The following CROCC2 variants were observed in gnomAD, a reference collection of about 807,000 sequenced individuals.
CROCC2 encodes ciliary rootlet coiled-coil protein 2.
In CROCC2, 163 loss-of-function variants were observed where a neutral mutation model predicts 177.6. That is an observed-to-expected ratio of 0.92 (90% confidence interval 0.81 to 1.05). CROCC2 has a LOEUF of 1.05. Among genes scored for constraint, CROCC2 ranks in the 50% least tolerant of loss-of-function variants. CROCC2 has a pLI of 0.00. For synonymous variants in CROCC2, 904 were observed against 787.3 expected (o/e 1.15, Z -2.48); for missense variants, 1,929 against 1,797.8 (o/e 1.07, Z -1.32).
At chr2:240,962,074 TCACACTCA>T (rs1435955856) in intron 20 of CROCC2, among the ~76,000 whole-genome samples, 5 of 108,888 alleles carry the variant, frequency 4.6e-5, no homozygotes, top group East Asian at 3.4e-4. Flanking sequence ...TCACACGCAC[TCACACTCA>T]CACACACACA....
rs931226033 is a variant in CROCC2 at position 240,934,823 on chromosome 2, C to A, written c.1792-93C>A. The A allele has an allele frequency of 4.5e-6, 6 of 1,337,450 alleles. No homozygotes were observed. The African/African-American group carries it at 9.2e-5, about 20-fold the overall frequency. The allele number at this position is 1,337,450 out of a possible 1,614,324, so 82.8% of individuals were successfully genotyped here. On this transcript the variant is annotated intron_variant, in intron 12 of 31. Coordinates refer to ENST00000690015, the MANE Select transcript of CROCC2 (RefSeq NM_001351305.2). Reference sequence around the variant, plus strand: ...CCGCCCAAGAGCTCTGGCTTGCACACCTCCGTGGCTCAGGGCTCACTCCTT... The same window carrying A: ...CCGCCCAAGAGCTCTGGCTTGCACAACTCCGTGGCTCAGGGCTCACTCCTT...
chr2:240,941,173 G>T (rs2059492704), intron 14 of CROCC2, among the ~76,000 whole-genome samples: 1 of 152,162 alleles, frequency 6.6e-6, no homozygotes, highest in African/African-American at 2.4e-5. Context: ...ACTGCTGAAA[G>T]AAATCATAGA....
chr2:240,993,103 G>A lies in CROCC2; in HGVS notation c.*22G>A, dbSNP rs750495886. 53 of 716,070 alleles carry A rather than the reference G, an allele frequency of 7.4e-5. No individual in the cohort carries two copies. Among genetic ancestry groups the A allele is most frequent in the South Asian group, 2.8e-4 (19 of 67,468 alleles). The allele number at this position is 716,070 out of a possible 1,614,324, so 44.4% of individuals were successfully genotyped here. A position where few individuals can be genotyped will look rare whatever the true frequency, so the allele number is the denominator to read the frequency against. ...CTGAAGCTCCCAGCACAGGGGAGGCGCCCAGCGTGGCTGCAGAGGAAGGGA... is the reference window on the plus strand; with the variant it reads ...CTGAAGCTCCCAGCACAGGGGAGGCACCCAGCGTGGCTGCAGAGGAAGGGA... On this transcript the variant is annotated 3_prime_UTR_variant, in exon 32 of 32. Coordinates refer to ENST00000690015, the MANE Select transcript of CROCC2 (RefSeq NM_001351305.2).
In CROCC2 at chr2:240,963,744, C is replaced by A; in HGVS notation, c.3276C>A (p.Thr1092=). The A allele has an allele frequency of 6.5e-7, 1 of 1,550,046 alleles. No individual in the cohort carries two copies. Among genetic ancestry groups the A allele is most frequent in the Admixed American group, 2.0e-5 (1 of 50,996 alleles). ...TTTTCAACAGCGAGCTGCGGGCCAC[C>A]ATCTGCAGGGCCGAACAGGAGAAGG... The part of the protein sequence containing the change: ...LLLFNSELRA[T]ICRAEQEKAS... The change falls in exon 21 of 32, where the codon ACC becomes ACA. Residue 1092 remains threonine (T), a synonymous_variant. Transcript: ENST00000690015.
intron 1 of CROCC2, among the ~76,000 whole-genome samples, chr2:240,914,782 A>T (rs1320531022): frequency 1.3e-5 from 2 of 152,106 alleles, no homozygotes; most frequent in Non-Finnish European, 2.9e-5. Context: ...GGACGGGACG[A>T]CGGGGTGGTG....
Position 240,969,848 on chromosome 2 carries a change from A to G in CROCC2, c.4401+1586A>G, listed in dbSNP as rs563004095. Among the ~76,000 whole-genome samples the G allele has an allele frequency of 3.5e-4, 54 of 152,238 alleles. No homozygotes were observed. In the East Asian group the frequency reaches 0.01, roughly 29 times the overall value. On this transcript the variant is annotated intron_variant, in intron 27 of 31. Coordinates refer to ENST00000690015, the MANE Select transcript of CROCC2 (RefSeq NM_001351305.2). ...CAGGTTCAAGTGATTCTCCTGCCTC[A>G]GCTTCCCAAGTAGTCGGGATTACAG...
rs1385715332 is a variant in CROCC2 at position 240,934,941 on chromosome 2, A to T, written c.1817A>T (p.Glu606Val). 2 of 1,520,150 alleles carry T rather than the reference A, an allele frequency of 1.3e-6. No homozygotes were observed. 94.2% of individuals were successfully genotyped at this position (1,520,150 alleles called of 1,614,324 possible). Residue 606 changes from glutamate to valine, a missense_variant, in exon 13 of 32, where the codon GAG (glutamate) becomes GTG (valine). By Grantham distance (121) the Glu-to-Val change is moderately radical (BLOSUM62 -2). Around this residue, in one of 3 missense-constraint regions of CROCC2, gnomAD observed 1,397 missense variants for 1,239.9 expected, o/e 1.13. Coordinates refer to ENST00000690015, the MANE Select transcript of CROCC2 (RefSeq NM_001351305.2). ...GCCGAGTGCAGCAATGCGGACCTGG[A>T]GCTTCTTGTGAGGCGGCTGAAGTCG... ...ARAECSNADL[E>V]LLVRRLKSEG...
At chr2:240,922,146 C>T (rs1018986356) in intron 3 of CROCC2, among the ~76,000 whole-genome samples, 11 of 152,330 alleles carry the variant, frequency 7.2e-5, no homozygotes, top group African/African-American at 2.2e-4. Context: ...GGCTGGGCTG[C>T]CCAGGTAGCT....
At position 240,918,818 on chromosome 2, in the gene CROCC2, C is replaced by A; in HGVS notation, c.171C>A (p.Pro57=). Residue 57 remains proline, a synonymous_variant, in exon 2 of 32, where the codon CCC becomes CCA. Transcript: ENST00000690015. The surrounding 1 kb of genome is among the most constrained non-coding windows in gnomAD (Gnocchi z 6.3). ...AAGGCCGGCAGGCCTCGCCCACCCC[C>A]GTGCCCACCCGCATCCGTGAGATCG... ...RGEGRQASPT[P]VPTRIREIVA... The A allele has an allele frequency of 1.6e-6, 1 of 624,426 alleles. No homozygotes were observed. The highest frequency in any genetic ancestry group is 2.9e-6 in the Non-Finnish European group (1 of 341,500). 38.7% of individuals were successfully genotyped at this position (624,426 alleles called of 1,614,324 possible).
At chr2:240,989,103 G>A (rs2106495038) in intron 29 of CROCC2, among the ~76,000 whole-genome samples, 1 of 152,314 alleles carries the variant, frequency 6.6e-6, no homozygotes, top group South Asian at 2.1e-4. Context: ...AGACATTGAA[G>A]TCCCCATGGG....
chr2:240,919,890 G>GGC, intron 2 of CROCC2, 93 bp from the exon 3 acceptor site: 8 of 591,392 alleles, frequency 1.4e-5, no homozygotes, highest in East Asian at 6.2e-5. Context: ...GAGCCTGGTG[G>GGC]CCAGCCCAGG....
In CROCC2 at chr2:240,955,387, G is replaced by A. The variant is rs4075896; in HGVS notation, c.2830-472G>A. ...TCCACAGCCTGGTCCACGGAGCAGC[G>A]TGCCACCCTTGGAGCTGAGGGTGTC... is the stretch of plus-strand genomic sequence containing the variant. On this transcript the variant is annotated intron_variant, in intron 18 of 31. Transcript: ENST00000690015. 1,185 of 157,178 alleles carry A rather than the reference G, an allele frequency of 7.5e-3. 13 individuals are homozygous for A. The highest frequency in any genetic ancestry group is 0.027 in the African/African-American group (1,131 of 41,646). The allele number at this position is 157,178 out of a possible 1,614,324, so 9.7% of individuals were successfully genotyped here.
chr2:240,925,694 C>G, intron 4 of CROCC2, 30 bp from the exon 5 acceptor site: 1 of 692,562 alleles, frequency 1.4e-6, no homozygotes, highest in Non-Finnish European at 2.7e-6. Flanking sequence ...GCTTCCTACC[C>G]CCACCATGCC....
intron 14 of CROCC2, among the ~76,000 whole-genome samples, chr2:240,945,570 T>G (rs2106467571): frequency 6.6e-6 from 1 of 152,298 alleles, no homozygotes; most frequent in Admixed American, 6.5e-5. Flanking sequence ...GCTGGGCTCA[T>G]TCCTCTGTAC....
intron 19 of CROCC2, 167 bp from the exon 20 acceptor site, chr2:240,959,133 GT>G: frequency 1.4e-6 from 1 of 730,986 alleles, no homozygotes; most frequent in Non-Finnish European, 2.1e-6. Flanking sequence ...CTGTTTGACA[GT>G]TTAGGAAACC....
chr2:240,958,212 G>A lies in CROCC2; in HGVS notation c.2944-1089G>A, dbSNP rs577450644. 5.2e-4 allele frequency: 514 copies of A among 984,360 alleles called. No homozygotes were observed. Among genetic ancestry groups the A allele is most frequent in the Non-Finnish European group, 6.0e-4 (499 of 828,954 alleles). The allele number at this position is 984,360 out of a possible 1,614,324, so 61.0% of individuals were successfully genotyped here. Reference sequence around the variant, plus strand: ...TGCGCCCCTAGGCTGAGTCACCACTGCCATCGGGCTCCCAGCCGATGCCCT... The same window carrying A: ...TGCGCCCCTAGGCTGAGTCACCACTACCATCGGGCTCCCAGCCGATGCCCT... On this transcript the variant is annotated intron_variant, in intron 19 of 31. Transcript: ENST00000690015. This position sits in a 1 kb window ranked among gnomAD's most constrained non-coding sequence, Gnocchi z 6.7.
In CROCC2 at chr2:240,962,717, G is replaced by T. The variant is rs550776298; in HGVS notation, c.3088-839G>T. On this transcript the variant is annotated intron_variant, in intron 20 of 31. Coordinates refer to ENST00000690015, the MANE Select transcript of CROCC2 (RefSeq NM_001351305.2). ...CTCCGCCTCCTCCTCTGGGACACAC[G>T]AGAGCCGGAATGGAGCCTTCTCCAG... Among the ~76,000 whole-genome samples, 565 of 152,256 alleles carry T rather than the reference G, an allele frequency of 3.7e-3. 5 individuals are homozygous for T. Among genetic ancestry groups the T allele is most frequent in the Non-Finnish European group, 4.1e-3 (276 of 68,008 alleles).
intron 20 of CROCC2, among the ~76,000 whole-genome samples, chr2:240,961,057 G>A (rs2059629489): frequency 6.6e-6 from 1 of 151,820 alleles, no homozygotes; most frequent in Admixed American, 6.6e-5. Context: ...GGGAGTGGGG[G>A]CTAAAAGCTG....
rs1339226662 is a variant in CROCC2 at position 240,931,006 on chromosome 2, C to T, written c.825C>T (p.Ser275=). 1.4e-6 allele frequency: 1 copy of T among 716,266 alleles called. No individual in the cohort carries two copies. The highest frequency in any genetic ancestry group is 2.6e-6 in the Non-Finnish European group (1 of 384,858). 44.4% of individuals were successfully genotyped at this position (716,266 alleles called of 1,614,324 possible). Residue 275 remains serine, a synonymous_variant, in exon 7 of 32, where the codon TCC becomes TCT. Coordinates refer to ENST00000690015, the MANE Select transcript of CROCC2 (RefSeq NM_001351305.2). ...RLHTACLNLD[S]NLRLSASSTA... is the part of the protein sequence containing the mutation. Reference sequence around the variant, plus strand: ...ACACCGCCTGCCTGAACCTCGACTCCAACCTGCGGCTGTCGGCCAGCAGCA... The same window carrying T: ...ACACCGCCTGCCTGAACCTCGACTCTAACCTGCGGCTGTCGGCCAGCAGCA...
Sources: gnomAD v4.1 joint callset for allele counts (sites outside exome capture counted in the v4.1 genomes callset) on GRCh38, gnomAD v4.1.1 for gene constraint, gnomAD v4.1.1 regional missense constraint, Gnocchi (gnomAD v3.1) non-coding constraint, MANE v1.5 for transcripts, NCBI Gene and HGNC (gene_info 2026-07-23, HGNC 2026-07-21) for gene names.